Variants in PTPRO observed in about 807,000 individuals in gnomAD.
The protein encoded by PTPRO is protein tyrosine phosphatase receptor type O, also known as receptor-type tyrosine-protein phosphatase O.
Under a neutral mutation model 145.2 loss-of-function variants are expected in PTPRO, and 62 were observed. The ratio of observed to expected loss-of-function variants is 0.43; its 90% CI spans 0.35 to 0.53. The LOEUF (loss-of-function observed/expected upper bound fraction) is 0.53, where lower values mean the gene tolerates loss of function less well. Ranked by LOEUF, PTPRO falls within the 20% of genes least tolerant of loss-of-function variation. The pLI is 0.01. For synonymous variants in PTPRO, 565 were observed against 514.7 expected (o/e 1.10, Z -1.32); for missense variants, 1,345 against 1,482.7 (o/e 0.91, Z 1.53).
At chr12:15,391,413 C>T (rs143066489) in intron 1 of PTPRO, among the ~76,000 whole-genome samples, 1 of 152,236 alleles carries the variant, frequency 6.6e-6, no homozygotes, top group Non-Finnish European at 1.5e-5. Flanking sequence ...TTTGGCTGGC[C>T]TAGGGTTCTT....
At chr12:15,422,717 C>T (rs1233507748) in intron 1 of PTPRO, among the ~76,000 whole-genome samples, 1 of 152,086 alleles carries the variant, frequency 6.6e-6, no homozygotes, top group East Asian at 1.9e-4. Context: ...ATTCCAATGT[C>T]CTTTGCATAT....
In PTPRO at chr12:15,546,717, C is replaced by T. The variant is rs1236821102; in HGVS notation, c.2304+9C>T. The stretch of plus-strand genomic sequence containing the variant: ...AGAAAACCAAACTTCAGGTACTGTA[C>T]CTTTTGATCTACCTTTTCTCAGTTA... On this transcript the variant is annotated intron_variant, in intron 13 of 26. Transcript: ENST00000281171. 13 of 1,613,654 alleles carry T rather than the reference C, an allele frequency of 8.1e-6. No individual in the cohort carries two copies. In the East Asian group the frequency reaches 2.5e-4, roughly 30 times the overall value.
chr12:15,331,962 C>CTTTTTTTTTTTTTTTTTTTTTT (rs200334215), intron 1 of PTPRO, among the ~76,000 whole-genome samples: 10 of 118,264 alleles, frequency 8.5e-5, no homozygotes, highest in Non-Finnish European at 1.6e-4. Context: ...CTCTTTCTTT[C>CTTTTTTTTTTTTTTTTTTTTTT]TTTTTTTTTT....
At chr12:15,488,425 T>G (rs953347670) in intron 2 of PTPRO, among the ~76,000 whole-genome samples, 60 of 152,318 alleles carry the variant, frequency 3.9e-4, no homozygotes, top group African/African-American at 1.4e-3. Context: ...GGAATTGAAG[T>G]ACATGATGAC....
chr12:15,345,006 A>G (rs1179271687), intron 1 of PTPRO, among the ~76,000 whole-genome samples: 1 of 152,076 alleles, frequency 6.6e-6, no homozygotes, highest in Non-Finnish European at 1.5e-5. Flanking sequence ...CTATCATCCT[A>G]TCTTTCTACA....
chr12:15,549,911 T>C (rs1420516728), intron 14 of PTPRO, among the ~76,000 whole-genome samples: 1 of 152,240 alleles, frequency 6.6e-6, no homozygotes, highest in Admixed American at 6.5e-5. Context: ...GACTGTTTTC[T>C]TTTTTCTTTT....
chr12:15,497,525 C>T, intron 3 of PTPRO, 122 bp downstream of exon 3: 1 of 1,063,712 alleles, frequency 9.4e-7, no homozygotes, highest in Non-Finnish European at 1.4e-6. Context: ...TATAAATGAG[C>T]CATTAAAAAT....
Position 15,589,561 on chromosome 12 carries a change from T to C in PTPRO, c.3517T>C (p.Ser1173Pro), listed in dbSNP as rs1944503126. Residue 1173 changes from serine (S) to proline (P), a missense_variant, in exon 25 of 27, where the codon TCA becomes CCA. Coordinates refer to ENST00000281171, the MANE Select transcript of PTPRO (RefSeq NM_030667.3). ...DILGLVSEMRSYRMSMVQTEE... is the reference protein window; with the variant it reads ...DILGLVSEMRPYRMSMVQTEE... ...CTTAGGGCTGGTGTCAGAAATGAGG[T>C]CATACCGGATGTCTATGGTACAGAC... The C allele has an allele frequency of 6.2e-7, 1 of 1,613,984 alleles. No homozygotes were observed. Among genetic ancestry groups the C allele is most frequent in the Non-Finnish European group, 8.5e-7 (1 of 1,179,998 alleles).
At chr12:15,491,570 A>AT (rs1435999613) in intron 2 of PTPRO, among the ~76,000 whole-genome samples, 1 of 152,206 alleles carries the variant, frequency 6.6e-6, no homozygotes, top group Non-Finnish European at 1.5e-5. Context: ...GAGACACCTA[A>AT]TGAGGGAAAA....
chr12:15,502,786 G>T (rs540994605), intron 5 of PTPRO, among the ~76,000 whole-genome samples: 1 of 152,096 alleles, frequency 6.6e-6, no homozygotes, highest in South Asian at 2.1e-4. Flanking sequence ...GATTTTTATG[G>T]TTATTTGTTG....
intron 1 of PTPRO, among the ~76,000 whole-genome samples, chr12:15,483,266 A>G (rs1415911037): frequency 2.0e-5 from 3 of 152,140 alleles, no homozygotes; most frequent in Non-Finnish European, 4.4e-5. Context: ...ATTTAAACCA[A>G]TTCCATGGAT....
intron 1 of PTPRO, among the ~76,000 whole-genome samples, chr12:15,353,893 T>G (rs536932914): frequency 1.3e-5 from 2 of 152,306 alleles, no homozygotes; most frequent in East Asian, 1.9e-4. Flanking sequence ...GTTACAATTC[T>G]TCAAAGGAAT....
chr12:15,541,236 T>C (rs1354593020), intron 12 of PTPRO, among the ~76,000 whole-genome samples: 2 of 152,222 alleles, frequency 1.3e-5, no homozygotes, highest in Non-Finnish European at 2.9e-5. Context: ...ATAACTAATA[T>C]CTACATGACT....
intron 1 of PTPRO, among the ~76,000 whole-genome samples, chr12:15,437,605 G>A (rs968656833): frequency 6.6e-6 from 1 of 152,082 alleles, no homozygotes; most frequent in African/African-American, 2.4e-5. Flanking sequence ...ATACCTGCTT[G>A]CCTGGTGTGG....
chr12:15,466,190 ATTGTT>A (rs1941411192), intron 1 of PTPRO, among the ~76,000 whole-genome samples: 1 of 152,040 alleles, frequency 6.6e-6, no homozygotes, highest in Non-Finnish European at 1.5e-5. Flanking sequence ...TCATAATTCT[ATTGTT>A]TTAACAAAAT....
At position 15,422,111 on chromosome 12, in the gene PTPRO, A is replaced by G. The variant is rs186064335; in HGVS notation, c.76-61863A>G. On this transcript the variant is annotated intron_variant, in intron 1 of 26. Coordinates refer to ENST00000281171, the MANE Select transcript of PTPRO (RefSeq NM_030667.3). ...TAAATGAAACTTTGCAGCAATTCCAAAATAACTTGCCCCAGGGAGTAGGAT... is the reference window on the plus strand; with the variant it reads ...TAAATGAAACTTTGCAGCAATTCCAGAATAACTTGCCCCAGGGAGTAGGAT... 4.6e-5 allele frequency among the ~76,000 whole-genome samples: 7 copies of G among 152,284 alleles called. No homozygotes were observed. The East Asian group carries it at 9.6e-4, about 21-fold the overall frequency.
intron 6 of PTPRO, among the ~76,000 whole-genome samples, chr12:15,505,159 G>T (rs982739902): frequency 6.6e-6 from 1 of 152,092 alleles, no homozygotes; most frequent in Non-Finnish European, 1.5e-5. Context: ...CAGATCCACC[G>T]CACATGTGAA....
intron 1 of PTPRO, among the ~76,000 whole-genome samples, chr12:15,380,308 T>C (rs954548482): frequency 6.6e-6 from 1 of 152,060 alleles, no homozygotes; most frequent in Non-Finnish European, 1.5e-5. Context: ...AATTCTTAAA[T>C]TACGAATAGG....
intron 1 of PTPRO, among the ~76,000 whole-genome samples, chr12:15,332,119 G>A (rs1866630903): frequency 2.0e-5 from 3 of 151,764 alleles, no homozygotes; most frequent in Admixed American, 6.6e-5. Context: ...GCATGCACCA[G>A]CCTGCTCAGC....
Sources: allele counts gnomAD v4.1 joint callset (sites outside exome capture counted in the v4.1 genomes callset), GRCh38; gene constraint gnomAD v4.1.1; transcripts MANE v1.5; gene names NCBI Gene and HGNC (gene_info 2026-07-23, HGNC 2026-07-21).